Variants in SPATA31G1 observed in about 807,000 individuals in gnomAD.
SPATA31G1 encodes SPATA31 subfamily G member 1, also known as spermatogenesis-associated protein 31G1.
chr9:35,042,244 G>C, the SPATA31G1 span: 1 of 1,613,352 alleles, frequency 6.2e-7, no homozygotes, highest in East Asian at 2.2e-5. Context: ...ACTGCCAGAA[G>C]GCTAAGGGAA....
chr9:35,043,180 C>G, the SPATA31G1 span: 1 of 1,614,224 alleles, frequency 6.2e-7, no homozygotes, highest in Admixed American at 1.7e-5. Context: ...AAGATAGCAT[C>G]AGGGAACCGC....
At chr9:35,045,377 A>G in the SPATA31G1 span, 1 of 1,614,152 alleles carries the variant, frequency 6.2e-7, no homozygotes, top group Non-Finnish European at 8.5e-7. Context: ...ATCTATCTCC[A>G]GGCCCAGGAG....
At chr9:35,042,923 G>A in the SPATA31G1 span, 11 of 1,614,152 alleles carry the variant, frequency 6.8e-6, no homozygotes, top group East Asian at 2.0e-4. Context: ...AATCAGAAGT[G>A]GAGGAAGAAG....
At chr9:35,044,955 C>T in the SPATA31G1 span, 5 of 1,614,058 alleles carry the variant, frequency 3.1e-6, no homozygotes, top group Admixed American at 3.3e-5. Context: ...GCTCACCCAT[C>T]CTGGGATCCA....
chr9:35,042,613 A>T, the SPATA31G1 span: 125 of 1,438,542 alleles, frequency 8.7e-5, 1 homozygote, highest in African/African-American at 1.6e-3. Flanking sequence ...GTAACCACTG[A>T]CACTAGATTT....
chr9:35,041,397 G>A, the SPATA31G1 span: 2 of 205,882 alleles, frequency 9.7e-6, no homozygotes, highest in Non-Finnish European at 2.0e-5. Flanking sequence ...CTTTGAAGAG[G>A]AACCTCTACT....
the SPATA31G1 span, chr9:35,042,016 T>C: frequency 3.6e-6 from 2 of 552,904 alleles, no homozygotes; most frequent in East Asian, 3.0e-5. Flanking sequence ...ATAAGGCAGT[T>C]CGGTGCTAGA....
chr9:35,043,792 C>T, the SPATA31G1 span: 13 of 1,614,048 alleles, frequency 8.1e-6, no homozygotes, highest in Non-Finnish European at 1.1e-5. Context: ...ATGCCAGTCC[C>T]TTGCCCTCCC....
chr9:35,045,067 C>G, the SPATA31G1 span: 159 of 1,614,204 alleles, frequency 9.9e-5, no homozygotes, highest in East Asian at 3.1e-3. Flanking sequence ...TGCAGCTCCC[C>G]TATTCTGAGC....
At chr9:35,044,095 G>T in the SPATA31G1 span, 2 of 1,614,086 alleles carry the variant, frequency 1.2e-6, no homozygotes, top group Admixed American at 1.7e-5. Flanking sequence ...GGCCCCCAGG[G>T]AGTCCTGTCT....
the SPATA31G1 span, chr9:35,044,603 T>C: frequency 1.2e-6 from 2 of 1,614,162 alleles, no homozygotes; most frequent in Non-Finnish European, 1.7e-6. Context: ...CCCACGTAAG[T>C]GAGCCTATCG....
chr9:35,045,526 C>G, the SPATA31G1 span: 1 of 1,614,136 alleles, frequency 6.2e-7, no homozygotes, highest in Non-Finnish European at 8.5e-7. Context: ...TTGGGGTTAT[C>G]CACAGTCACA....
chr9:35,043,003 A>C, the SPATA31G1 span: 8 of 1,614,122 alleles, frequency 5.0e-6, no homozygotes, highest in Admixed American at 1.7e-5. Flanking sequence ...CCTACCAAAG[A>C]AGCTCCCACT....
chr9:35,042,948 G>C, the SPATA31G1 span: 5 of 1,614,192 alleles, frequency 3.1e-6, no homozygotes, highest in Non-Finnish European at 4.2e-6. Context: ...AGAAGAGGAA[G>C]AGGGGGAAGA....
chr9:35,043,563 A>C, the SPATA31G1 span: 1 of 1,614,174 alleles, frequency 6.2e-7, no homozygotes. Flanking sequence ...CCCTGGAACT[A>C]GCCCCCTGGA....
the SPATA31G1 span, chr9:35,042,565 G>T: frequency 6.3e-7 from 1 of 1,598,080 alleles, no homozygotes; most frequent in South Asian, 1.1e-5. Flanking sequence ...TGTGGGCCCA[G>T]GTGAGTGACT....
At chr9:35,043,109 C>T in the SPATA31G1 span, 4 of 1,614,172 alleles carry the variant, frequency 2.5e-6, no homozygotes, top group Non-Finnish European at 1.7e-6. Flanking sequence ...TCATGCAGCC[C>T]GTGAGCCCTT....
the SPATA31G1 span, chr9:35,042,408 C>A: frequency 6.2e-7 from 1 of 1,614,204 alleles, no homozygotes; most frequent in Non-Finnish European, 8.5e-7. Flanking sequence ...CGTGGTTTGG[C>A]AGATTCAGAG....
At chr9:35,045,834 A>ACCC in the SPATA31G1 span, 1 of 1,612,576 alleles carries the variant, frequency 6.2e-7, no homozygotes, top group Non-Finnish European at 8.5e-7. Context: ...ATGCCTGGAT[A>ACCC]ACCATCGACC....
Sources: gnomAD v4.1 joint callset for allele counts on GRCh38, gnomAD v4.1.1 for gene constraint, MANE v1.5 for transcripts, NCBI Gene and HGNC (gene_info 2026-07-23, HGNC 2026-07-21) for gene names.